TXN: variants seen among roughly 807,000 people sequenced by gnomAD.
The protein encoded by TXN is thioredoxin, also known as ADF.
A neutral mutation model predicts 16.5 loss-of-function variants in TXN; 10 were observed. The ratio of observed to expected loss-of-function variants is 0.61; its 90% CI spans 0.37 to 1.03. The LOEUF (loss-of-function observed/expected upper bound fraction) is 1.03, where lower values mean the gene tolerates loss of function less well. TXN is among the 50% of genes least tolerant of loss of function. TXN has a pLI of 0.01. For synonymous variants in TXN, 35 were observed against 39.4 expected, an observed-to-expected ratio of 0.89 and a Z score of 0.42; for missense variants, 71 against 122.5, an observed-to-expected ratio of 0.58 and a Z score of 1.98.
chr9:110,245,654 A>ATATATATATATT (rs1232332404), intron 3 of TXN, among the ~76,000 whole-genome samples: 6 of 21,784 alleles, frequency 2.8e-4, no homozygotes, highest in African/African-American at 4.0e-4. Context: ...ATATATATAT[A>ATATATATATATT]TTTTTTTTTT....
At chr9:110,246,566 C>T (rs918281884) in intron 3 of TXN, among the ~76,000 whole-genome samples, 2 of 152,148 alleles carry the variant, frequency 1.3e-5, no homozygotes, top group African/African-American at 4.8e-5. Flanking sequence ...AAAAGCTACA[C>T]AGGACAGCAA....
At chr9:110,245,408 G>A (rs1837633813) in intron 3 of TXN, among the ~76,000 whole-genome samples, 1 of 150,804 alleles carries the variant, frequency 6.6e-6, no homozygotes. Flanking sequence ...TGGGTTTACT[G>A]ATTATTATTA....
At chr9:110,250,646 T>G (rs1315708239) in intron 3 of TXN, among the ~76,000 whole-genome samples, 174 bp downstream of exon 3, 1 of 152,242 alleles carries the variant, frequency 6.6e-6, no homozygotes, top group African/African-American at 2.4e-5. Flanking sequence ...GATATACAGC[T>G]CCCGATAGCT....
In TXN at chr9:110,249,052, G is replaced by A. The variant is rs1198590215; in HGVS notation, c.189+1768C>T. On this transcript the variant is annotated intron_variant, in intron 3 of 4. Coordinates refer to ENST00000374517, the MANE Select transcript of TXN (RefSeq NM_003329.4). ...CTGAGACAGAGGATTGCTTAAACCC[G>A]GGAGGCAGAGGTTGCAGTGAGCCGA... Among the ~76,000 whole-genome samples the A allele has an allele frequency of 8.7e-5, 12 of 137,320 alleles. No homozygotes were observed. In the East Asian group the frequency reaches 1.3e-3, roughly 14 times the overall value. 90.1% of individuals were successfully genotyped at this position (137,320 alleles called of 152,430 possible). A position where few individuals can be genotyped will look rare whatever the true frequency, so the allele number is the denominator to read the frequency against.
intron 3 of TXN, 22 bp from the exon 4 acceptor site, chr9:110,244,865 G>C (rs754930131): frequency 4.4e-6 from 7 of 1,604,196 alleles, no homozygotes; most frequent in Non-Finnish European, 6.0e-6. Context: ...AGTAGCAAAG[G>C]GAGAGGATTA....
chr9:110,244,888 C>T (rs755936857), intron 3 of TXN, 45 bp from the exon 4 acceptor site: 29 of 1,512,980 alleles, frequency 1.9e-5, no homozygotes, highest in Middle Eastern at 1.7e-4. Context: ...TACAAGACTG[C>T]GAGTACTGAG....
At chr9:110,244,988 A>C (rs1837628434) in intron 3 of TXN, 145 bp from the exon 4 acceptor site, 1 of 528,330 alleles carries the variant, frequency 1.9e-6, no homozygotes, top group Non-Finnish European at 3.5e-6. Flanking sequence ...TATGAAAATT[A>C]ATATAATGAA....
chr9:110,250,202 GGAT>G (rs987577135), intron 3 of TXN, among the ~76,000 whole-genome samples: 2 of 152,092 alleles, frequency 1.3e-5, no homozygotes, highest in African/African-American at 4.8e-5. Context: ...TATAAAATGG[GGAT>G]GATAACAGCA....
chr9:110,248,778 A>C (rs187833614), intron 3 of TXN, among the ~76,000 whole-genome samples: 1 of 152,204 alleles, frequency 6.6e-6, no homozygotes, highest in East Asian at 1.9e-4. Flanking sequence ...TAAATGACAT[A>C]GTGCATGCAA....
chr9:110,244,810 G>T lies in TXN; in HGVS notation c.223C>A (p.Pro75Thr). The change falls in exon 4 of 5, where the codon CCA (proline) becomes ACA (threonine). Residue 75 changes from proline (P) to threonine (T), a missense_variant. Physicochemically the swap from Pro to Thr is conservative, Grantham distance 38. Transcript: ENST00000374517. ...CCCTTCTTAAAAAACTGGAATGTTG[G>T]CATGCATTTGACTTCACACTCTGAA... Reference protein sequence around the residue: ...VASECEVKCMPTFQFFKKGQK... With the variant: ...VASECEVKCMTTFQFFKKGQK... The T allele has an allele frequency of 6.2e-7, 1 of 1,612,944 alleles. No homozygotes were observed. Among genetic ancestry groups the T allele is most frequent in the Non-Finnish European group, 8.5e-7 (1 of 1,179,180 alleles).
At chr9:110,244,538 A>C (rs1837623668) in intron 4 of TXN, among the ~76,000 whole-genome samples, 1 of 152,160 alleles carries the variant, frequency 6.6e-6, no homozygotes, top group South Asian at 2.1e-4. Context: ...GAACTGCCCA[A>C]GTCTAAGAAA....
At chr9:110,251,004 T>A (rs1313203314) in intron 2 of TXN, 125 bp from the exon 3 acceptor site, 6 of 711,254 alleles carry the variant, frequency 8.4e-6, no homozygotes, top group Non-Finnish European at 1.4e-5. Flanking sequence ...AAAATTTAGA[T>A]CTTTGGAGAC....
chr9:110,247,100 A>C (rs767345172), intron 3 of TXN, among the ~76,000 whole-genome samples: 13 of 152,262 alleles, frequency 8.5e-5, no homozygotes, highest in Middle Eastern at 3.4e-3. Flanking sequence ...AGACGGGTGG[A>C]TCACTTGAGG....
chr9:110,255,130 T>C (rs1055392176), intron 1 of TXN, among the ~76,000 whole-genome samples: 12 of 152,022 alleles, frequency 7.9e-5, no homozygotes, highest in Admixed American at 5.2e-4. Context: ...CGGGGACACA[T>C]TGCAGACACA....
At chr9:110,250,238 C>A (rs1209811591) in intron 3 of TXN, among the ~76,000 whole-genome samples, 2 of 152,226 alleles carry the variant, frequency 1.3e-5, no homozygotes, top group Admixed American at 1.3e-4. Context: ...TGAACTGATA[C>A]TTAAAAACCA....
rs1837807339 is a variant in TXN at position 110,256,180 on chromosome 9, A to C, written c.24+232T>G. ...GCACCGCCACTCCGCCCTCCAGGGG[A>C]CCCTCGTCCTTCTCCTCCCTTCCTC... On this transcript the variant is annotated intron_variant, in intron 1 of 4. Transcript: ENST00000374517. The surrounding 1 kb of genome is among the most constrained non-coding windows in gnomAD (Gnocchi z 4.2). Among the ~76,000 whole-genome samples, 1 of 151,850 alleles carries C rather than the reference A, an allele frequency of 6.6e-6. No individual in the cohort carries two copies. Among genetic ancestry groups the C allele is most frequent in the East Asian group, 2.0e-4 (1 of 5,096 alleles).
intron 3 of TXN, 98 bp downstream of exon 3, chr9:110,250,722 G>T: frequency 1.0e-6 from 1 of 993,334 alleles, no homozygotes; most frequent in Non-Finnish European, 1.5e-6. Context: ...TACAGTTCTA[G>T]AATTATTTGA....
intron 1 of TXN, among the ~76,000 whole-genome samples, chr9:110,252,075 C>G (rs1427242410): frequency 6.6e-6 from 1 of 151,776 alleles, no homozygotes; most frequent in African/African-American, 2.4e-5. Flanking sequence ...AATACAGAAA[C>G]TAGCTGGGCG....
intron 1 of TXN, 124 bp from the exon 2 acceptor site, chr9:110,251,586 C>CAAAAAAAAAAAAAAAA (rs5899890): frequency 1.8e-5 from 1 of 55,846 alleles, no homozygotes; most frequent in African/African-American, 5.6e-5. Context: ...ACTTTTTAGC[C>CAAAAAAAAAAAAAAAA]AAAAAAAAAA....
Sources: allele counts gnomAD v4.1 joint callset (sites outside exome capture counted in the v4.1 genomes callset), GRCh38; gene constraint gnomAD v4.1.1; non-coding constraint Gnocchi (gnomAD v3.1); transcripts MANE v1.5; gene names NCBI Gene and HGNC (gene_info 2026-07-23, HGNC 2026-07-21).